ZNF574: variants seen among roughly 807,000 people sequenced by gnomAD.
ZNF574 encodes zinc finger protein 574.
In ZNF574, 25 loss-of-function variants were observed where a neutral mutation model predicts 56.6. The ratio of observed to expected loss-of-function variants is 0.44; its 90% CI spans 0.32 to 0.62. The LOEUF (loss-of-function observed/expected upper bound fraction) is 0.62. Among genes scored for constraint, ZNF574 ranks in the 20% least tolerant of loss-of-function variants. The pLI is 0.04. For synonymous variants in ZNF574, 543 were observed against 492.1 expected (o/e 1.10, Z -1.37); for missense variants, 1,065 against 1,218.9 (o/e 0.87, Z 1.88).
exon 1 of ZNF574, chr19:42,068,742 G>C (rs1444124115): frequency 2.0e-6 from 1 of 506,704 alleles, no homozygotes; most frequent in South Asian, 2.8e-5. Context: ...TAACAGCAAA[G>C]AGAGAAGTTG....
chr19:42,080,785 G>A lies in ZNF574; in HGVS notation c.2179G>A (p.Ala727Thr), dbSNP rs1336835404. The change falls in exon 2 of 2, where the codon GCA (alanine) becomes ACA (threonine). Residue 727 changes from alanine (A) to threonine (T), a missense_variant. Physicochemically the swap from Ala to Thr is moderately conservative, Grantham distance 58. Transcript: ENST00000359044. The surrounding 1 kb of genome is among the most constrained non-coding windows in gnomAD (Gnocchi z 8.5). The part of the protein sequence containing the change: ...SPAALGSTAT[A>T]SPAAPARRRG... ...AGCAGCCCTTGGAAGCACTGCTACA[G>A]CATCCCCTGCGGCCCCTGCCCGCCG... 8.7e-6 allele frequency: 14 copies of A among 1,614,036 alleles called. No homozygotes were observed. Among genetic ancestry groups the A allele is most frequent in the Non-Finnish European group, 1.1e-5 (13 of 1,180,028 alleles).
At chr19:42,069,100 C>T (rs45553045) in intron 1 of ZNF574, 24,236 of 442,252 alleles carry the variant, frequency 0.055, 847 homozygotes, top group Non-Finnish European at 0.07. Flanking sequence ...AGATGGAGGG[C>T]GCAGAGCAGG....
upstream of ZNF574, among the ~76,000 whole-genome samples, chr19:42,075,862 C>T (rs2076451538): frequency 6.6e-6 from 1 of 152,190 alleles, no homozygotes; most frequent in South Asian, 2.1e-4. Flanking sequence ...CCGCCCTCCG[C>T]TCAGAGTTCC....
chr19:42,080,445 C>G lies in ZNF574; in HGVS notation c.1839C>G (p.Pro613=). The change falls in exon 2 of 2, where the codon CCC becomes CCG. Residue 613 remains proline, a synonymous_variant. Transcript: ENST00000359044. The surrounding 1 kb of genome is among the most constrained non-coding windows in gnomAD (Gnocchi z 8.5). ...GEYPYKCREC[P]RSFLLRRLLE... ...ACCCCTACAAGTGTCGCGAGTGCCC[C>G]CGCTCCTTCTTGCTGCGTCGGCTGC... The G allele has an allele frequency of 4.3e-6, 7 of 1,614,214 alleles. No individual in the cohort carries two copies. The highest frequency in any genetic ancestry group is 5.1e-6 in the Non-Finnish European group (6 of 1,180,038).
Position 42,080,487 on chromosome 19 carries a change from C to T in ZNF574, c.1881C>T (p.Leu627=), listed in dbSNP as rs377327633. ...GTCGGCTGCTGGAGGTGCACCAGCT[C>T]GTGGTCCATGCCGGGCGCCAGCCCC... is the stretch of plus-strand genomic sequence containing the variant. ...LLRRLLEVHQ[L]VVHAGRQPHR... Residue 627 remains leucine, a synonymous_variant, in exon 2 of 2, where the codon CTC becomes CTT. Coordinates refer to ENST00000359044, the MANE Select transcript of ZNF574 (RefSeq NM_022752.6). This position sits in a 1 kb window ranked among gnomAD's most constrained non-coding sequence, Gnocchi z 8.5. 1.7e-5 allele frequency: 28 copies of T among 1,613,792 alleles called. No homozygotes were observed. The highest frequency in any genetic ancestry group is 3.3e-4 in the Middle Eastern group (2 of 6,080).
At position 42,080,176 on chromosome 19, in the gene ZNF574, C is replaced by G; in HGVS notation, c.1570C>G (p.Pro524Ala). Residue 524 changes from proline (P) to alanine (A), a missense_variant, in exon 2 of 2, where the codon CCC (proline) becomes GCC (alanine). Transcript: ENST00000359044. The surrounding 1 kb of genome is among the most constrained non-coding windows in gnomAD (Gnocchi z 8.5). The part of the protein sequence containing the change: ...LRTHTGERPF[P>A]CPDCSKPFNS... ...CACACACACAGGGGAGCGGCCCTTC[C>G]CCTGCCCTGACTGCTCCAAGCCCTT... 6.2e-7 allele frequency: 1 copy of G among 1,613,946 alleles called. No homozygotes were observed. Among genetic ancestry groups the G allele is most frequent in the South Asian group, 1.1e-5 (1 of 91,072 alleles).
intron 1 of ZNF574, among the ~76,000 whole-genome samples, chr19:42,076,925 G>A (rs1007467701): frequency 3.3e-5 from 5 of 152,154 alleles, no homozygotes; most frequent in African/African-American, 1.2e-4. Context: ...TGCGTGGAAA[G>A]GAGTCTTTGT....
chr19:42,077,737 G>A (rs1438633592), intron 1 of ZNF574, among the ~76,000 whole-genome samples: 3 of 152,268 alleles, frequency 2.0e-5, no homozygotes, highest in African/African-American at 4.8e-5. Context: ...GCCTAGGTCC[G>A]AAGCGGGGAG....
chr19:42,073,942 G>A (rs377385812), upstream of ZNF574, among the ~76,000 whole-genome samples: 30 of 151,150 alleles, frequency 2.0e-4, no homozygotes, highest in East Asian at 3.5e-3. Flanking sequence ...AGACCAGCCT[G>A]GCCAACATTG....
At position 42,079,743 on chromosome 19, in the gene ZNF574, C is replaced by G. The variant is rs759877300; in HGVS notation, c.1137C>G (p.Leu379=). 6.2e-7 allele frequency: 1 copy of G among 1,614,226 alleles called. No homozygotes were observed. The change falls in exon 2 of 2, where the codon CTC becomes CTG. Residue 379 remains leucine, a synonymous_variant. Transcript: ENST00000359044. The surrounding 1 kb of genome is among the most constrained non-coding windows in gnomAD (Gnocchi z 4.3). The part of the protein sequence containing the change: ...CGLAFGTEAL[L]LAHRRAHTPN... ...TGGCCTTCGGCACAGAGGCCCTCCT[C>G]CTGGCCCACCGGCGAGCCCACACCC...
chr19:42,074,343 T>G (rs1376139974), upstream of ZNF574, among the ~76,000 whole-genome samples: 2 of 149,504 alleles, frequency 1.3e-5, no homozygotes, highest in East Asian at 3.9e-4. Context: ...TAGTCACAGG[T>G]ACTCAGGAGG....
exon 1 of ZNF574, chr19:42,068,681 T>G: frequency 9.3e-6 from 4 of 432,372 alleles, no homozygotes; most frequent in South Asian, 5.7e-5. Flanking sequence ...GGTGGAGGAG[T>G]TCTGACAGAG....
chr19:42,069,148 G>A (rs1001410872), intron 1 of ZNF574: 37 of 402,716 alleles, frequency 9.2e-5, no homozygotes, highest in Admixed American at 6.6e-4. Flanking sequence ...TCCGGAGAAC[G>A]GGGAGAATGT....
At chr19:42,072,418 A>C (rs1599871345), upstream of ZNF574, among the ~76,000 whole-genome samples, 4 of 151,258 alleles carry the variant, frequency 2.6e-5, no homozygotes, top group South Asian at 8.3e-4. Flanking sequence ...TTGTATTTTT[A>C]GTAGAGACGG....
At chr19:42,078,525 TGAAGG>T in intron 1 of ZNF574, 57 bp from the exon 2 acceptor site, 3 of 1,168,648 alleles carry the variant, frequency 2.6e-6, no homozygotes, top group Non-Finnish European at 3.3e-6. Flanking sequence ...TGGAGAGTGA[TGAAGG>T]GAAGAGCTGA....
rs1455654466 is a variant in ZNF574 at position 42,081,533 on chromosome 19, T to C, written c.*236T>C. The C allele has an allele frequency of 5.0e-6, 3 of 599,262 alleles. No homozygotes were observed. Among genetic ancestry groups the C allele is most frequent in the East Asian group, 5.9e-5 (2 of 33,752 alleles). 37.1% of individuals were successfully genotyped at this position (599,262 alleles called of 1,614,324 possible). A position where few individuals can be genotyped will look rare whatever the true frequency, so the allele number is the denominator to read the frequency against. The stretch of plus-strand genomic sequence containing the variant: ...GTGACCCCAAAAATGAAACCATCAA[T>C]AAAGACTGAGTTGCCAGCAGTGTGT... On this transcript the variant is annotated 3_prime_UTR_variant, in exon 2 of 2. Coordinates refer to ENST00000359044, the MANE Select transcript of ZNF574 (RefSeq NM_022752.6).
chr19:42,080,467 C>T lies in ZNF574; in HGVS notation c.1861C>T (p.Leu621=), dbSNP rs751221541. 15 of 1,614,128 alleles carry T rather than the reference C, an allele frequency of 9.3e-6. No homozygotes were observed. The South Asian group carries it at 9.9e-5, about 11-fold the overall frequency. Residue 621 remains leucine, a synonymous_variant, in exon 2 of 2, where the codon CTG becomes TTG. Transcript: ENST00000359044. The surrounding 1 kb of genome is among the most constrained non-coding windows in gnomAD (Gnocchi z 8.5). ...CCCCCGCTCCTTCTTGCTGCGTCGG[C>T]TGCTGGAGGTGCACCAGCTCGTGGT... The part of the protein sequence containing the change: ...ECPRSFLLRR[L]LEVHQLVVHA...
chr19:42,079,234 G>C lies in ZNF574; in HGVS notation c.628G>C (p.Glu210Gln). Residue 210 changes from glutamate (E) to glutamine (Q), a missense_variant, in exon 2 of 2, where the codon GAG becomes CAG. Glu to Gln is a conservative substitution (Grantham distance 29). Coordinates refer to ENST00000359044, the MANE Select transcript of ZNF574 (RefSeq NM_022752.6). This position sits in a 1 kb window ranked among gnomAD's most constrained non-coding sequence, Gnocchi z 4.3. ...ATTTEVVTEV[E>Q]LLLYKCSECS... ...CACCACTGAGGTAGTGACTGAGGTG[G>C]AGCTGCTCCTCTACAAGTGCTCTGA... 1 of 1,614,024 alleles carries C rather than the reference G, an allele frequency of 6.2e-7. No homozygotes were observed. The highest frequency in any genetic ancestry group is 8.5e-7 in the Non-Finnish European group (1 of 1,180,012).
At position 42,081,407 on chromosome 19, in the gene ZNF574, C is replaced by T; in HGVS notation, c.*110C>T. The T allele has an allele frequency of 7.2e-7, 1 of 1,394,766 alleles. No individual in the cohort carries two copies. The highest frequency in any genetic ancestry group is 1.0e-6 in the Non-Finnish European group (1 of 990,990). 86.4% of individuals were successfully genotyped at this position (1,394,766 alleles called of 1,614,324 possible). A position where few individuals can be genotyped will look rare whatever the true frequency, so the allele number is the denominator to read the frequency against. ...TCCCTTCCTCTTCCCATCCCCACCA[C>T]CTTGTAAGTTCTAAATTGGATTTAT... On this transcript the variant is annotated 3_prime_UTR_variant, in exon 2 of 2. Coordinates refer to ENST00000359044, the MANE Select transcript of ZNF574 (RefSeq NM_022752.6).
Sources: allele counts gnomAD v4.1 joint callset (sites outside exome capture counted in the v4.1 genomes callset), GRCh38; gene constraint gnomAD v4.1.1; non-coding constraint Gnocchi (gnomAD v3.1); transcripts MANE v1.5; gene names NCBI Gene and HGNC (gene_info 2026-07-23, HGNC 2026-07-21).